The following ABCC10 variants were observed in gnomAD, a reference collection of about 807,000 sequenced individuals.
ABCC10 encodes ATP binding cassette subfamily C member 10.
Under a neutral mutation model 143.2 loss-of-function variants are expected in ABCC10, and 110 were observed. The ratio of observed to expected loss-of-function variants is 0.77; its 90% CI spans 0.66 to 0.90. ABCC10 has a LOEUF of 0.90. ABCC10 is among the 40% of genes least tolerant of loss of function. ABCC10 has a pLI of 0.00. For missense variants in ABCC10, 1,700 were observed against 1,900.5 expected (o/e 0.89, Z 1.96); for synonymous variants, 805 against 846.7 (o/e 0.95, Z 0.85).
At chr6:43,445,097 T>A in intron 13 of ABCC10, 28 bp from the exon 14 acceptor site, 2 of 1,610,876 alleles carry the variant, frequency 1.2e-6, no homozygotes, top group Non-Finnish European at 1.7e-6. Context: ...TAGTTTTGGT[T>A]ACCGACAGCC....
Position 43,449,516 on chromosome 6 carries a change from T to C in ABCC10, c.4298T>C (p.Val1433Ala). The C allele has an allele frequency of 6.2e-7, 1 of 1,613,858 alleles. No homozygotes were observed. Among genetic ancestry groups the C allele is most frequent in the Non-Finnish European group, 8.5e-7 (1 of 1,179,836 alleles). ...TICKRFANKT[V>A]LTIAHRLNTI... ...TGCAAACGCTTTGCCAACAAGACAG[T>C]GCTGACCATTGCCCATAGGTATGTA... Residue 1433 changes from valine to alanine, a missense_variant, in exon 21 of 22, where the codon GTG becomes GCG. Transcript: ENST00000372530.
chr6:43,442,933 G>A (rs753068160), intron 9 of ABCC10, 37 bp from the exon 10 acceptor site: 1 of 1,512,512 alleles, frequency 6.6e-7, no homozygotes, highest in Admixed American at 2.1e-5. Context: ...GAGAGCCTTT[G>A]GGTCCTGGTG....
intron 15 of ABCC10, 41 bp downstream of exon 15, chr6:43,445,983 A>G: frequency 6.4e-7 from 1 of 1,557,072 alleles, no homozygotes; most frequent in South Asian, 1.2e-5. Flanking sequence ...TGTTGGGGGG[A>G]GAGGAAAAGA....
At chr6:43,451,557 A>G (rs1214750), downstream of ABCC10, among the ~76,000 whole-genome samples, 11,286 of 152,146 alleles carry the variant, frequency 0.074, 1,358 homozygotes, top group African/African-American at 0.26. This position sits in a 1 kb window ranked among gnomAD's most constrained non-coding sequence, Gnocchi z 4.4. Flanking sequence ...GGCCTGATGC[A>G]GAAATGAGGA....
downstream of ABCC10, chr6:43,451,259 AT>A: frequency 6.2e-7 from 1 of 1,613,972 alleles, no homozygotes; most frequent in Non-Finnish European, 8.5e-7. This position sits in a 1 kb window ranked among gnomAD's most constrained non-coding sequence, Gnocchi z 4.4. Flanking sequence ...ACTGCCCGCC[AT>A]TGCGGCATGG....
rs779021636 is a variant in ABCC10, at chr6:43,444,331, C to T, written c.2667C>T (p.Leu889=). The change falls in exon 12 of 22, where the codon CTC becomes CTT. Residue 889 remains leucine (L), a synonymous_variant. Transcript: ENST00000372530. ...AVGQGLALAI[L]FSLLLMQATR... The stretch of plus-strand genomic sequence containing the variant: ...GCCAGGGCTTGGCCTTAGCCATCCT[C>T]TTCTCTCTGCTTCTCATGCAAGGTG... The T allele has an allele frequency of 6.2e-7, 1 of 1,607,974 alleles. No individual in the cohort carries two copies. The highest frequency in any genetic ancestry group is 8.5e-7 in the Non-Finnish European group (1 of 1,177,476).
At chr6:43,451,359 C>T, downstream of ABCC10, 2 of 1,498,518 alleles carry the variant, frequency 1.3e-6, no homozygotes, top group Middle Eastern at 1.8e-4. This position sits in a 1 kb window ranked among gnomAD's most constrained non-coding sequence, Gnocchi z 4.4. Flanking sequence ...CCACTGCCCG[C>T]CATGTCATCT....
Position 43,449,644 on chromosome 6 carries a change from C to G in ABCC10, c.4316+110C>G, listed in dbSNP as rs573982154. Reference sequence around the variant, plus strand: ...TCAGGGCCTTAGAGATCCTGCCCCCCCAGATCTCAGCTCCTCCTTCTCCAG... The same window carrying G: ...TCAGGGCCTTAGAGATCCTGCCCCCGCAGATCTCAGCTCCTCCTTCTCCAG... On this transcript the variant is annotated intron_variant, in intron 21 of 21. Transcript: ENST00000372530. The G allele has an allele frequency of 2.8e-4, 255 of 921,930 alleles. No individual in the cohort carries two copies. In the Middle Eastern group the frequency reaches 3.7e-3, roughly 13 times the overall value. The allele number at this position is 921,930 out of a possible 1,614,324, so 57.1% of individuals were successfully genotyped here.
At chr6:43,451,113 A>G (rs374035083), downstream of ABCC10, 29 of 1,614,098 alleles carry the variant, frequency 1.8e-5, no homozygotes, top group Non-Finnish European at 2.4e-5. This position sits in a 1 kb window ranked among gnomAD's most constrained non-coding sequence, Gnocchi z 4.4. Flanking sequence ...GAAGCGGTTT[A>G]TGCCGTCAAG....
In ABCC10 at chr6:43,450,097, A is replaced by G. The variant is rs1338425003; in HGVS notation, c.*6A>G. Reference sequence around the variant, plus strand: ...CCTCACTCGGAGGTCCCTGAGCCCAATCCCACACCCTGCAGAGTTCTCCCC... The same window carrying G: ...CCTCACTCGGAGGTCCCTGAGCCCAGTCCCACACCCTGCAGAGTTCTCCCC... On this transcript the variant is annotated 3_prime_UTR_variant, in exon 22 of 22. Coordinates refer to ENST00000372530, the MANE Select transcript of ABCC10 (RefSeq NM_001198934.2). This position sits in a 1 kb window ranked among gnomAD's most constrained non-coding sequence, Gnocchi z 4.5. 5.7e-6 allele frequency: 9 copies of G among 1,589,160 alleles called. No homozygotes were observed. Among genetic ancestry groups the G allele is most frequent in the African/African-American group, 1.3e-5 (1 of 74,612 alleles).
rs1345042625 is a variant in ABCC10, at chr6:43,443,038, G to A, written c.2295G>A (p.Leu765=). 2.5e-6 allele frequency: 4 copies of A among 1,613,030 alleles called. No individual in the cohort carries two copies. The highest frequency in any genetic ancestry group is 2.2e-5 in the East Asian group (1 of 44,868). The change falls in exon 10 of 22, where the codon CTG becomes CTA. Residue 765 remains leucine, a synonymous_variant. Transcript: ENST00000372530. This position sits in a 1 kb window ranked among gnomAD's most constrained non-coding sequence, Gnocchi z 4.2. ...AVDADVANHL[L]HRCILGMLSY... ...ATGCAGATGTGGCCAACCACCTGCT[G>A]CACAGGTGCATCCTGGGCATGCTGA...
intron 21 of ABCC10, 111 bp downstream of exon 21, chr6:43,449,645 C>A (rs1426843615): frequency 7.9e-6 from 7 of 891,304 alleles, no homozygotes; most frequent in Admixed American, 2.7e-5. Flanking sequence ...CCTGCCCCCC[C>A]AGATCTCAGC....
In ABCC10 at chr6:43,427,544, A is replaced by C; in HGVS notation, c.-225A>C. 3.4e-6 allele frequency: 1 copy of C among 292,208 alleles called. No individual in the cohort carries two copies. Among genetic ancestry groups the C allele is most frequent in the South Asian group, 3.0e-5 (1 of 33,366 alleles). 18.1% of individuals were successfully genotyped at this position (292,208 alleles called of 1,614,324 possible). A position where few individuals can be genotyped will look rare whatever the true frequency, so the allele number is the denominator to read the frequency against. On this transcript the variant is annotated 5_prime_UTR_variant, in exon 1 of 22. Transcript: ENST00000372530. ...AGTGCACATGCGTGCAGCTACCAGC[A>C]TATGGGCGTGGCGAATAGCGCCGGC... is the stretch of plus-strand genomic sequence containing the variant.
At position 43,441,854 on chromosome 6, in the gene ABCC10, T is replaced by G; in HGVS notation, c.2128-8T>G. On this transcript the variant is annotated splice_polypyrimidine_tract_variant and splice_region_variant and intron_variant, in intron 8 of 21. Coordinates refer to ENST00000372530, the MANE Select transcript of ABCC10 (RefSeq NM_001198934.2). ...CTCCCTGACCCACTGGGGCACCTGT[T>G]CCATCAGATCCTGCCTGCTGGAGAC... 6.2e-7 allele frequency: 1 copy of G among 1,612,270 alleles called. No homozygotes were observed. Among genetic ancestry groups the G allele is most frequent in the Non-Finnish European group, 8.5e-7 (1 of 1,179,172 alleles).
chr6:43,430,436 C>T (rs1781002689), intron 2 of ABCC10, among the ~76,000 whole-genome samples: 1 of 151,998 alleles, frequency 6.6e-6, no homozygotes, highest in African/African-American at 2.4e-5. Context: ...CCATCTAAAT[C>T]CCTACAAATA....
chr6:43,446,297 G>C lies in ABCC10; in HGVS notation c.3395G>C (p.Arg1132Pro), dbSNP rs142117290. The change falls in exon 16 of 22, where the codon CGA becomes CCA. Residue 1132 changes from arginine to proline, a missense_variant. Physicochemically the swap from Arg to Pro is moderately radical, Grantham distance 103 (BLOSUM62 -2). Coordinates refer to ENST00000372530, the MANE Select transcript of ABCC10 (RefSeq NM_001198934.2). ...CCTAGGTTTGAGGAGGAGAACCTGCGACTCCTTGAGCTAAACCAGAGGTGC... is the reference window on the plus strand; with the variant it reads ...CCTAGGTTTGAGGAGGAGAACCTGCCACTCCTTGAGCTAAACCAGAGGTGC... ...ATYRFEEENL[R>P]LLELNQRCQF... The C allele has an allele frequency of 6.6e-5, 107 of 1,613,712 alleles. No individual in the cohort carries two copies. Among genetic ancestry groups the C allele is most frequent in the Non-Finnish European group, 8.1e-5 (96 of 1,179,866 alleles).
downstream of ABCC10, chr6:43,450,953 G>A (rs1214748): frequency 0.29 from 476,001 of 1,613,984 alleles, 73,717 homozygotes; most frequent in African/African-American, 0.51. The surrounding 1 kb of genome is among the most constrained non-coding windows in gnomAD (Gnocchi z 4.5). Flanking sequence ...CAAGCTCACA[G>A]GTCTTGCCAC....
At chr6:43,446,970 C>A (rs1783155524) in intron 16 of ABCC10, 1 of 834,204 alleles carries the variant, frequency 1.2e-6, no homozygotes. Context: ...GTCTCAGCCT[C>A]CCAAGTAGCT....
chr6:43,447,562 ATCTCTCAT>A, intron 17 of ABCC10, 114 bp from the exon 18 acceptor site: 1 of 1,553,526 alleles, frequency 6.4e-7, no homozygotes, highest in Admixed American at 1.8e-5. Context: ...CTTCTTCCCC[ATCTCTCAT>A]TCTCTCATTC....
Sources: gnomAD v4.1 joint callset for allele counts (sites outside exome capture counted in the v4.1 genomes callset) on GRCh38, gnomAD v4.1.1 for gene constraint, Gnocchi (gnomAD v3.1) non-coding constraint, MANE v1.5 for transcripts, NCBI Gene and HGNC (gene_info 2026-07-23, HGNC 2026-07-21) for gene names.